Variants in MATCAP2 observed in about 807,000 individuals in gnomAD.
MATCAP2 encodes the protein putative tyrosine carboxypeptidase MATCAP2.
the MATCAP2 span, among the ~76,000 whole-genome samples, chr7:36,347,596 T>C: frequency 1.3e-5 from 2 of 152,278 alleles, no homozygotes; most frequent in South Asian, 4.1e-4. Flanking sequence ...CTCTGCCCTA[T>C]TTACCCCACA....
At chr7:36,354,364 C>T in the MATCAP2 span, among the ~76,000 whole-genome samples, 15 of 152,306 alleles carry the variant, frequency 9.8e-5, no homozygotes, top group Admixed American at 2.6e-4. Flanking sequence ...TATCTGTGCG[C>T]GAAAGTCTAG....
the MATCAP2 span, chr7:36,355,739 T>C: frequency 6.6e-6 from 1 of 152,202 alleles, no homozygotes; most frequent in Non-Finnish European, 1.5e-5. Flanking sequence ...CAGTTTTACC[T>C]ATCCTACAAA....
the MATCAP2 span, chr7:36,333,959 A>G: frequency 6.2e-7 from 1 of 1,614,142 alleles, no homozygotes. Context: ...AGAGTTCACA[A>G]AAAGACATTT....
chr7:36,361,439 C>T, the MATCAP2 span, among the ~76,000 whole-genome samples: 4 of 152,090 alleles, frequency 2.6e-5, no homozygotes, highest in Admixed American at 6.6e-5. Flanking sequence ...ATGGAAATTT[C>T]GTATGGTTCA....
At chr7:36,390,309 C>CA in the MATCAP2 span, 3 of 538,566 alleles carry the variant, frequency 5.6e-6, no homozygotes, top group Non-Finnish European at 9.9e-6. Context: ...AGAGGTCTTT[C>CA]AGCCCCCGTT....
At chr7:36,332,376 G>C in the MATCAP2 span, among the ~76,000 whole-genome samples, 407 of 152,266 alleles carry the variant, frequency 2.7e-3, 8 homozygotes, top group East Asian at 0.06. Flanking sequence ...TCTTCTAAGA[G>C]TATTGAGAAG....
At chr7:36,366,730 G>A in the MATCAP2 span, 25 of 1,535,196 alleles carry the variant, frequency 1.6e-5, no homozygotes, top group Non-Finnish European at 2.1e-5. Flanking sequence ...AAGGATAAGG[G>A]GCCGATTTCT....
At chr7:36,327,692 C>A in the MATCAP2 span, among the ~76,000 whole-genome samples, 1 of 152,206 alleles carries the variant, frequency 6.6e-6, no homozygotes. Context: ...TGAAATGCTG[C>A]AAACTTTTGG....
At chr7:36,365,549 A>T in the MATCAP2 span, among the ~76,000 whole-genome samples, 28 of 152,216 alleles carry the variant, frequency 1.8e-4, no homozygotes, top group Admixed American at 3.9e-4. Flanking sequence ...AAAATACAAA[A>T]ATCCGGCGGG....
the MATCAP2 span, among the ~76,000 whole-genome samples, chr7:36,333,621 T>C: frequency 6.6e-6 from 1 of 152,128 alleles, no homozygotes; most frequent in Non-Finnish European, 1.5e-5. Context: ...GAAGGGTAGA[T>C]GGGTGTTCAT....
At chr7:36,385,059 C>T in the MATCAP2 span, among the ~76,000 whole-genome samples, 2 of 152,054 alleles carry the variant, frequency 1.3e-5, no homozygotes, top group African/African-American at 2.4e-5. Context: ...GAAAAAGATC[C>T]CTCTCTATAA....
At chr7:36,366,741 C>T in the MATCAP2 span, 1 of 1,535,448 alleles carries the variant, frequency 6.5e-7, no homozygotes, top group East Asian at 2.5e-5. Flanking sequence ...GCCGATTTCT[C>T]TCTTCCCTCC....
chr7:36,377,391 T>C, the MATCAP2 span, among the ~76,000 whole-genome samples: 6 of 152,162 alleles, frequency 3.9e-5, no homozygotes, highest in Non-Finnish European at 7.4e-5. Context: ...AAATTCTGGG[T>C]TGAAAATTCT....
chr7:36,379,876 A>AGT, the MATCAP2 span, among the ~76,000 whole-genome samples: 11 of 149,560 alleles, frequency 7.4e-5, no homozygotes, highest in African/African-American at 2.7e-4. Flanking sequence ...AGAGAGAGAG[A>AGT]ATATAAAGCC....
At chr7:36,330,217 C>G in the MATCAP2 span, among the ~76,000 whole-genome samples, 3 of 151,906 alleles carry the variant, frequency 2.0e-5, no homozygotes, top group Non-Finnish European at 4.4e-5. Context: ...TCCCGAGTAG[C>G]TGGGACTAAG....
At chr7:36,385,197 G>A in the MATCAP2 span, among the ~76,000 whole-genome samples, 1 of 152,220 alleles carries the variant, frequency 6.6e-6, no homozygotes, top group Non-Finnish European at 1.5e-5. Flanking sequence ...GATATACCAT[G>A]CTCATAAATG....
chr7:36,330,266 T>C, the MATCAP2 span, among the ~76,000 whole-genome samples: 1 of 151,804 alleles, frequency 6.6e-6, no homozygotes, highest in Non-Finnish European at 1.5e-5. Context: ...TAAAATTTTT[T>C]ATAAAGACAG....
At chr7:36,345,141 T>C in the MATCAP2 span, among the ~76,000 whole-genome samples, 1 of 152,180 alleles carries the variant, frequency 6.6e-6, no homozygotes, top group Non-Finnish European at 1.5e-5. Context: ...AGACACACTG[T>C]CAGGTAGGAT....
At chr7:36,335,710 TTGAG>T in the MATCAP2 span, among the ~76,000 whole-genome samples, 3 of 152,314 alleles carry the variant, frequency 2.0e-5, no homozygotes, top group African/African-American at 4.8e-5. Flanking sequence ...CTTAACAGTA[TTGAG>T]TAAGAAATCT....
Sources: allele counts gnomAD v4.1 joint callset (sites outside exome capture counted in the v4.1 genomes callset), GRCh38; gene constraint gnomAD v4.1.1; transcripts MANE v1.5; gene names NCBI Gene and HGNC (gene_info 2026-07-23, HGNC 2026-07-21).